Variants in RFX3 observed in about 807,000 individuals in gnomAD.
RFX3 encodes the protein regulatory factor X3.
In RFX3, 14 loss-of-function variants were observed where a neutral mutation model predicts 98.6. The observed-to-expected ratio is 0.14, with a 90% CI of 0.09 to 0.22. The LOEUF (loss-of-function observed/expected upper bound fraction) is 0.22, where lower values mean the gene tolerates loss of function less well. Among genes scored for constraint, RFX3 ranks in the 10% least tolerant of loss-of-function variants. The pLI is 1.00. For missense variants in RFX3, 639 were observed against 926.9 expected (o/e 0.69, Z 4.03); for synonymous variants, 383 against 328.4 (o/e 1.17, Z -1.80).
At chr9:3,318,571 A>C (rs945163387) in intron 4 of RFX3, among the ~76,000 whole-genome samples, 2 of 151,170 alleles carry the variant, frequency 1.3e-5, no homozygotes, top group Non-Finnish European at 2.9e-5. Flanking sequence ...AAGCCCAGAA[A>C]GCAAATCTAG....
chr9:3,292,289 G>A (rs1179754013), intron 6 of RFX3, among the ~76,000 whole-genome samples: 2 of 151,752 alleles, frequency 1.3e-5, no homozygotes, highest in Non-Finnish European at 2.9e-5. Flanking sequence ...ATAGAAATAT[G>A]GAAAGACAAA....
intron 5 of RFX3, 39 bp downstream of exon 5, chr9:3,301,506 CA>C: frequency 7.2e-7 from 1 of 1,386,024 alleles, no homozygotes; most frequent in Non-Finnish European, 1.0e-6. Flanking sequence ...ACATGCAGAA[CA>C]AGCAAGAGAT....
chr9:3,356,461 TC>T (rs1261048861), intron 2 of RFX3, among the ~76,000 whole-genome samples: 1 of 151,644 alleles, frequency 6.6e-6, no homozygotes, highest in African/African-American at 2.4e-5. Context: ...AAACACCCAA[TC>T]CCAAATCATA....
At chr9:3,333,993 T>C (rs1022590201) in intron 3 of RFX3, among the ~76,000 whole-genome samples, 1 of 152,174 alleles carries the variant, frequency 6.6e-6, no homozygotes, top group African/African-American at 2.4e-5. Context: ...ACAAGGTGAA[T>C]AACTGAAGTT....
At chr9:3,332,895 C>T (rs946315961) in intron 3 of RFX3, among the ~76,000 whole-genome samples, 7 of 149,226 alleles carry the variant, frequency 4.7e-5, no homozygotes, top group African/African-American at 1.5e-4. Flanking sequence ...CATTCTTAAG[C>T]TCTCAACGGA....
chr9:3,411,728 T>G (rs1842484068), intron 1 of RFX3, among the ~76,000 whole-genome samples: 1 of 151,696 alleles, frequency 6.6e-6, no homozygotes, highest in Non-Finnish European at 1.5e-5. Context: ...GGACCTAAAG[T>G]GATCCTCCTG....
chr9:3,418,617 C>A (rs748690255), intron 1 of RFX3, among the ~76,000 whole-genome samples: 1 of 152,040 alleles, frequency 6.6e-6, no homozygotes, highest in Non-Finnish European at 1.5e-5. Flanking sequence ...TGACTTCAGG[C>A]GATCCGTCTG....
At chr9:3,496,007 T>C (rs1349220189) in intron 1 of RFX3, among the ~76,000 whole-genome samples, 1 of 151,934 alleles carries the variant, frequency 6.6e-6, no homozygotes, top group East Asian at 1.9e-4. Flanking sequence ...GTGCCAAAGG[T>C]AATCAAACTT....
chr9:3,489,904 G>A (rs1453294890), intron 1 of RFX3, among the ~76,000 whole-genome samples: 1 of 152,062 alleles, frequency 6.6e-6, no homozygotes, highest in African/African-American at 2.4e-5. Context: ...TTTAAATGCA[G>A]CATGACCTTA....
intron 1 of RFX3, among the ~76,000 whole-genome samples, chr9:3,446,549 A>G (rs1264314261): frequency 6.6e-6 from 1 of 151,984 alleles, no homozygotes; most frequent in Non-Finnish European, 1.5e-5. Context: ...AGATTTTACC[A>G]TTTCAAGATG....
intron 1 of RFX3, among the ~76,000 whole-genome samples, chr9:3,415,372 G>C (rs957386262): frequency 6.6e-6 from 1 of 151,352 alleles, no homozygotes; most frequent in African/African-American, 2.4e-5. Flanking sequence ...GAGCCACCCT[G>C]GCTAGCCAAC....
intron 2 of RFX3, among the ~76,000 whole-genome samples, chr9:3,353,366 A>C (rs574943176): frequency 7.9e-5 from 12 of 152,176 alleles, no homozygotes; most frequent in African/African-American, 2.4e-4. Flanking sequence ...AATAAAATAA[A>C]ATAAAGAAAT....
At chr9:3,486,892 C>T (rs574871264) in intron 1 of RFX3, among the ~76,000 whole-genome samples, 2 of 152,202 alleles carry the variant, frequency 1.3e-5, no homozygotes, top group African/African-American at 4.8e-5. Context: ...TTTAAATGCA[C>T]ATTTGGGTAA....
intron 1 of RFX3, among the ~76,000 whole-genome samples, chr9:3,448,878 CTCTTT>C (rs1846301371): frequency 6.6e-6 from 1 of 152,186 alleles, no homozygotes; most frequent in South Asian, 2.1e-4. Flanking sequence ...CAATTTTCAA[CTCTTT>C]TCTTTTAACC....
chr9:3,340,807 G>A (rs1239130285), intron 3 of RFX3, among the ~76,000 whole-genome samples: 2 of 152,192 alleles, frequency 1.3e-5, no homozygotes, highest in African/African-American at 4.8e-5. Context: ...CTGTTGGTGA[G>A]ACTGTAAACT....
chr9:3,466,978 T>C (rs1471561413), intron 1 of RFX3, among the ~76,000 whole-genome samples: 1 of 148,686 alleles, frequency 6.7e-6, no homozygotes, highest in Non-Finnish European at 1.5e-5. Context: ...AGTTTATGCC[T>C]ACTTCCTGGA....
intron 4 of RFX3, among the ~76,000 whole-genome samples, chr9:3,327,613 A>G (rs908399784): frequency 6.6e-6 from 1 of 152,042 alleles, no homozygotes; most frequent in African/African-American, 2.4e-5. Flanking sequence ...TATTTAAAAA[A>G]ACGCAAAACA....
Position 3,395,552 on chromosome 9 carries a change from T to C in RFX3, c.37A>G (p.Thr13Ala), listed in dbSNP as rs758479809. The C allele has an allele frequency of 1.2e-6, 2 of 1,614,174 alleles. No individual in the cohort carries two copies. The highest frequency in any genetic ancestry group is 1.7e-6 in the Non-Finnish European group (2 of 1,179,984). The change falls in exon 2 of 17, where the codon ACA becomes GCA. Residue 13 changes from threonine (T) to alanine (A), a missense_variant. By Grantham distance (58) the Thr-to-Ala change is moderately conservative. Coordinates refer to ENST00000617270, the MANE Select transcript of RFX3 (RefSeq NM_001282116.2). ...GCCACAGATGTTTGTAAGGTCACTG[T>C]CGAGCCTGTGTCCGACCCAGTCTCT... ...TSETGSDTGS[T>A]VTLQTSVASQ...
rs1219671940 is a variant in RFX3 at position 3,228,865 on chromosome 9, G to A, written c.1993C>T (p.Pro665Ser). 10 of 1,610,112 alleles carry A rather than the reference G, an allele frequency of 6.2e-6. No individual in the cohort carries two copies. Among genetic ancestry groups the A allele is most frequent in the South Asian group, 2.2e-5 (2 of 90,114 alleles). Residue 665 changes from proline (P) to serine (S), a missense_variant, in exon 16 of 17, where the codon CCT becomes TCT. Transcript: ENST00000617270. Reference protein sequence around the residue: ...GEFGDLNAVSPGNLDKDEGSE... With the variant: ...GEFGDLNAVSSGNLDKDEGSE... ...TTCTTACCTTTATCCAGATTTCCAG[G>A]AGACACGGCATTTAAATCACCAAAC...
Sources: allele counts gnomAD v4.1 joint callset (sites outside exome capture counted in the v4.1 genomes callset), GRCh38; gene constraint gnomAD v4.1.1; transcripts MANE v1.5; gene names NCBI Gene and HGNC (gene_info 2026-07-23, HGNC 2026-07-21).